The following SYT1 variants were observed in gnomAD, a reference collection of about 807,000 sequenced individuals.
SYT1 encodes synaptotagmin 1.
A neutral mutation model predicts 44.8 loss-of-function variants in SYT1; 8 were observed. The observed-to-expected ratio is 0.18, with a 90% CI of 0.10 to 0.32. The LOEUF is 0.32. Ranked by LOEUF, SYT1 falls within the 10% of genes least tolerant of loss-of-function variation. SYT1 has a pLI of 1.00. For synonymous variants in SYT1, 154 were observed against 188.8 expected, an observed-to-expected ratio of 0.82 and a Z score of 1.51; for missense variants, 286 against 509.3, an observed-to-expected ratio of 0.56 and a Z score of 4.22.
chr12:79,312,848 T>G (rs1300728197), intron 8 of SYT1, among the ~76,000 whole-genome samples: 22 of 151,720 alleles, frequency 1.5e-4, no homozygotes, highest in Non-Finnish European at 7.4e-5. Flanking sequence ...GGCCATTTTA[T>G]TTTTCAGAGT....
At chr12:79,146,214 A>G (rs140097081) in intron 3 of SYT1, among the ~76,000 whole-genome samples, 249 of 152,326 alleles carry the variant, frequency 1.6e-3, no homozygotes, top group African/African-American at 5.6e-3. Context: ...ATATTCCCAC[A>G]GACAGGCAGC....
At chr12:79,416,087 G>T (rs549322188) in intron 9 of SYT1, among the ~76,000 whole-genome samples, 25 of 152,260 alleles carry the variant, frequency 1.6e-4, no homozygotes, top group African/African-American at 6.0e-4. Flanking sequence ...TACTATTAAA[G>T]GAGTTCCATT....
At chr12:79,368,528 T>C (rs376437509) in intron 9 of SYT1, among the ~76,000 whole-genome samples, 1 of 149,930 alleles carries the variant, frequency 6.7e-6, no homozygotes, top group Admixed American at 6.6e-5. Flanking sequence ...TGTAAAAGTG[T>C]TCCTATTTCT....
intron 9 of SYT1, among the ~76,000 whole-genome samples, chr12:79,403,930 G>A (rs905853273): frequency 2.0e-5 from 3 of 152,052 alleles, no homozygotes; most frequent in Admixed American, 6.6e-5. Context: ...AAAGAATGAC[G>A]CCACCTAAGA....
chr12:79,014,248 G>A (rs1381885898), intron 2 of SYT1, among the ~76,000 whole-genome samples: 1 of 151,288 alleles, frequency 6.6e-6, no homozygotes, highest in East Asian at 1.9e-4. Flanking sequence ...AAGTCTCATA[G>A]TTAGTACAAT....
chr12:79,197,847 T>C (rs562133303), intron 3 of SYT1, among the ~76,000 whole-genome samples: 18 of 152,230 alleles, frequency 1.2e-4, no homozygotes, highest in African/African-American at 4.3e-4. Context: ...AGAGAAAAAG[T>C]ATATTTTTTA....
At chr12:79,128,102 A>G (rs1868560636) in intron 3 of SYT1, among the ~76,000 whole-genome samples, 1 of 152,184 alleles carries the variant, frequency 6.6e-6, no homozygotes, top group Admixed American at 6.5e-5. Context: ...TTAGATAGAT[A>G]GAAAGATAGC....
intron 3 of SYT1, among the ~76,000 whole-genome samples, chr12:79,065,874 C>A (rs1875806714): frequency 6.6e-6 from 1 of 151,112 alleles, no homozygotes; most frequent in African/African-American, 2.4e-5. Context: ...TAATGAGCAG[C>A]AAATTTTAAA....
chr12:79,352,571 A>G lies in SYT1; in HGVS notation c.811-931A>G, dbSNP rs549084917. 3.9e-5 allele frequency among the ~76,000 whole-genome samples: 6 copies of G among 152,226 alleles called. No homozygotes were observed. The East Asian group carries it at 9.6e-4, about 24-fold the overall frequency. ...AAACTCTCTCTCTTGCACTCTCTCT[A>G]TCTCTATCTCATGCTTATAAATATG... On this transcript the variant is annotated intron_variant, in intron 8 of 10. Coordinates refer to ENST00000261205, the MANE Select transcript of SYT1 (RefSeq NM_005639.3).
intron 9 of SYT1, among the ~76,000 whole-genome samples, chr12:79,418,946 G>A (rs1414553193): frequency 3.9e-5 from 6 of 152,150 alleles, no homozygotes; most frequent in Admixed American, 3.9e-4. Context: ...CTGGGGGAAT[G>A]GCCAAGGGGT....
In SYT1 at chr12:79,271,331, A is replaced by G. The variant is rs371701257; in HGVS notation, c.167-14456A>G. Among the ~76,000 whole-genome samples the G allele has an allele frequency of 4.2e-4, 64 of 152,238 alleles. No individual in the cohort carries two copies. The South Asian group carries it at 0.012, about 29-fold the overall frequency. ...AAATAATGACGTTTTTCCATCCGAG[A>G]GTTATATTTTTATTGTAGAAAGAAT... On this transcript the variant is annotated intron_variant, in intron 4 of 10. Transcript: ENST00000261205.
intron 3 of SYT1, among the ~76,000 whole-genome samples, chr12:79,114,165 C>A (rs558173134): frequency 1.3e-5 from 2 of 152,212 alleles, no homozygotes; most frequent in South Asian, 4.1e-4. Context: ...TGTGAATAAA[C>A]CAAAATCTGA....
intron 2 of SYT1, among the ~76,000 whole-genome samples, chr12:79,027,341 C>T (rs1380994470): frequency 6.6e-6 from 1 of 151,492 alleles, no homozygotes; most frequent in African/African-American, 2.4e-5. Flanking sequence ...GCCATTATTA[C>T]TACCAAGAGT....
intron 3 of SYT1, among the ~76,000 whole-genome samples, chr12:79,165,276 C>T (rs1246568869): frequency 6.6e-6 from 1 of 151,846 alleles, no homozygotes; most frequent in African/African-American, 2.4e-5. Context: ...GAAAAAATCT[C>T]TGTTGATTAA....
At chr12:78,918,477 C>G (rs992391773) in intron 1 of SYT1, among the ~76,000 whole-genome samples, 1 of 152,106 alleles carries the variant, frequency 6.6e-6, no homozygotes, top group Admixed American at 6.6e-5. Flanking sequence ...GACAGGAGGG[C>G]TGCCCTGTGG....
At chr12:79,113,473 T>TACAAA (rs60882968) in intron 3 of SYT1, among the ~76,000 whole-genome samples, 17,191 of 152,126 alleles carry the variant, frequency 0.11, 1,018 homozygotes, top group African/African-American at 0.13. Flanking sequence ...TGAAATGATC[T>TACAAA]AGAAAAAATT....
intron 3 of SYT1, among the ~76,000 whole-genome samples, chr12:79,178,098 G>A (rs920645641): frequency 2.2e-4 from 33 of 152,010 alleles, no homozygotes; most frequent in African/African-American, 8.0e-4. Flanking sequence ...TGCTGTAAAA[G>A]CATATTTCTA....
At chr12:79,221,712 T>A (rs1368140184) in intron 4 of SYT1, among the ~76,000 whole-genome samples, 1 of 152,172 alleles carries the variant, frequency 6.6e-6, no homozygotes, top group Non-Finnish European at 1.5e-5. Context: ...ACATTTTGAA[T>A]TTTTTATGTC....
In SYT1 at chr12:79,222,870, C is replaced by T. The variant is rs367917946; in HGVS notation, c.166+5185C>T. ...ATCAAAGATTCTTTCTTCTGTTTGA[C>T]CAGTTCTGCTGTTAATACCCTCTAC... On this transcript the variant is annotated intron_variant, in intron 4 of 10. Coordinates refer to ENST00000261205, the MANE Select transcript of SYT1 (RefSeq NM_005639.3). 3.9e-5 allele frequency among the ~76,000 whole-genome samples: 6 copies of T among 152,216 alleles called. No homozygotes were observed. The South Asian group carries it at 1.2e-3, about 32-fold the overall frequency.
Sources: gnomAD v4.1 joint callset for allele counts (sites outside exome capture counted in the v4.1 genomes callset) on GRCh38, gnomAD v4.1.1 for gene constraint, MANE v1.5 for transcripts, NCBI Gene and HGNC (gene_info 2026-07-23, HGNC 2026-07-21) for gene names.